Variants in CFAP300 observed in about 807,000 individuals in gnomAD.
The protein encoded by CFAP300 is cilia and flagella associated protein 300.
Under a neutral mutation model 33.0 loss-of-function variants are expected in CFAP300, and 32 were observed. The ratio of observed to expected loss-of-function variants is 0.97; its 90% CI spans 0.73 to 1.30. The LOEUF is 1.30. Among genes scored for constraint, CFAP300 ranks in the 50% most tolerant of loss-of-function variants. The pLI, the probability that CFAP300 is intolerant of heterozygous loss-of-function variation, is 0.00. For missense variants in CFAP300, 356 were observed against 318.1 expected, an observed-to-expected ratio of 1.12 and a Z score of -0.90; for synonymous variants, 102 against 106.8, an observed-to-expected ratio of 0.95 and a Z score of 0.28.
At position 102,083,951 on chromosome 11, in the gene CFAP300, G is replaced by C. The variant is rs2135056373; in HGVS notation, c.*752G>C. Reference sequence around the variant, plus strand: ...GAATCACTTGAACCCGGGAAGTGAGGTTGCAGTGAGCCGAGGCTGTGCCAC... The same window carrying C: ...GAATCACTTGAACCCGGGAAGTGAGCTTGCAGTGAGCCGAGGCTGTGCCAC... On this transcript the variant is annotated 3_prime_UTR_variant, in exon 7 of 7. Transcript: ENST00000434758. The C allele has an allele frequency of 6.6e-6, 1 of 152,296 alleles. No homozygotes were observed. The highest frequency in any genetic ancestry group is 1.9e-4 in the East Asian group (1 of 5,194). The allele number at this position is 152,296 out of a possible 1,614,324, so 9.4% of individuals were successfully genotyped here. A position where few individuals can be genotyped will look rare whatever the true frequency, so the allele number is the denominator to read the frequency against.
intron 2 of CFAP300, among the ~76,000 whole-genome samples, chr11:102,048,178 G>T (rs1013940409): frequency 2.0e-5 from 3 of 152,118 alleles, no homozygotes; most frequent in Non-Finnish European, 4.4e-5. Context: ...CTCTCTAGAA[G>T]ATTAGTTTCT....
At position 102,075,994 on chromosome 11, in the gene CFAP300, T is replaced by C. The variant is rs1942389956; in HGVS notation, c.557T>C (p.Val186Ala). The C allele has an allele frequency of 6.2e-7, 1 of 1,613,710 alleles. No homozygotes were observed. The highest frequency in any genetic ancestry group is 1.3e-5 in the African/African-American group (1 of 74,908). ...LGGALCQYED[V>A]ISPYLETTKL... Reference sequence around the variant, plus strand: ...GGAGCCCTTTGTCAATATGAGGATGTGATTAGCCCATATCTGGAAACAACA... The same window carrying C: ...GGAGCCCTTTGTCAATATGAGGATGCGATTAGCCCATATCTGGAAACAACA... Residue 186 changes from valine (V) to alanine (A), a missense_variant, in exon 5 of 7, where the codon GTG (valine) becomes GCG (alanine). Val to Ala is a moderately conservative substitution (Grantham distance 64, BLOSUM62 0). Transcript: ENST00000434758.
chr11:102,075,087 A>T (rs185137718), intron 4 of CFAP300, among the ~76,000 whole-genome samples: 41 of 152,338 alleles, frequency 2.7e-4, no homozygotes, highest in African/African-American at 9.4e-4. Context: ...CCTGAGCAAC[A>T]TAGTGAGACT....
intron 2 of CFAP300, among the ~76,000 whole-genome samples, chr11:102,056,012 C>CAA (rs971215642): frequency 2.0e-5 from 3 of 152,100 alleles, no homozygotes; most frequent in African/African-American, 4.8e-5. Context: ...GGTTTTTCCT[C>CAA]AAAATCAATA....
chr11:102,047,842 G>T lies in CFAP300; in HGVS notation c.138G>T (p.Gln46His), dbSNP rs766206887. 5 of 1,614,080 alleles carry T rather than the reference G, an allele frequency of 3.1e-6. No homozygotes were observed. The highest frequency in any genetic ancestry group is 4.2e-6 in the Non-Finnish European group (5 of 1,180,044). ...QWSMLGRIKA[Q>H]AFGFDQTFQS... ...CCATGCTGGGCAGAATCAAGGCGCA[G>T]GCGTTCGGCTTTGACCAGACCTTTC... is the stretch of plus-strand genomic sequence containing the variant. Residue 46 changes from glutamine to histidine, a missense_variant, in exon 2 of 7, where the codon CAG (glutamine) becomes CAT (histidine). Coordinates refer to ENST00000434758, the MANE Select transcript of CFAP300 (RefSeq NM_032930.3).
chr11:102,052,980 CA>C (rs1372549685), intron 2 of CFAP300, among the ~76,000 whole-genome samples: 1 of 152,234 alleles, frequency 6.6e-6, no homozygotes, highest in African/African-American at 2.4e-5. Flanking sequence ...GTAATCCCAG[CA>C]CTTTGGGAGC....
At chr11:102,057,339 CAAAAAAAAAA>C (rs68076980) in intron 2 of CFAP300, among the ~76,000 whole-genome samples, 1 of 129,962 alleles carries the variant, frequency 7.7e-6, no homozygotes, top group African/African-American at 2.8e-5. Flanking sequence ...AACTCCATCT[CAAAAAAAAAA>C]AAAAGAAAAA....
At chr11:102,061,213 A>G (rs980115348) in intron 3 of CFAP300, among the ~76,000 whole-genome samples, 1 of 152,248 alleles carries the variant, frequency 6.6e-6, no homozygotes, top group African/African-American at 2.4e-5. Flanking sequence ...ACACTATTTC[A>G]GAAGCAGAAG....
rs553855149 is a variant in CFAP300 at position 102,075,322 on chromosome 11, A to G, written c.436-551A>G. 3.3e-5 allele frequency among the ~76,000 whole-genome samples: 5 copies of G among 152,220 alleles called. No homozygotes were observed. In the East Asian group the frequency reaches 7.8e-4, roughly 24 times the overall value. On this transcript the variant is annotated intron_variant, in intron 4 of 6. Coordinates refer to ENST00000434758, the MANE Select transcript of CFAP300 (RefSeq NM_032930.3). ...CTCAGAAGAGCAAGAGTCAGTGTCA[A>G]TAGGTGATGTGTGAAGTGATCTTAC...
At chr11:102,068,647 TGTG>T (rs1021111898) in intron 4 of CFAP300, among the ~76,000 whole-genome samples, 1 of 151,904 alleles carries the variant, frequency 6.6e-6, no homozygotes, top group Non-Finnish European at 1.5e-5. Context: ...ATTAGCCAGG[TGTG>T]GTGGTGGGTG....
In CFAP300 at chr11:102,082,400, A is replaced by T. The variant is rs193012842; in HGVS notation, c.676-671A>T. On this transcript the variant is annotated intron_variant, in intron 6 of 6. Transcript: ENST00000434758. ...ACTCCAAAAAAAATTTAAAAAAAAA[A>T]AGAGAAAACAAAGATAGAAAATTGC... Among the ~76,000 whole-genome samples, 87 of 152,212 alleles carry T rather than the reference A, an allele frequency of 5.7e-4. 1 individual carries two copies. Among genetic ancestry groups the T allele is most frequent in the Middle Eastern group, 3.4e-3 (1 of 294 alleles).
chr11:102,079,832 T>A (rs1265707499), intron 5 of CFAP300, among the ~76,000 whole-genome samples: 1 of 152,090 alleles, frequency 6.6e-6, no homozygotes, highest in Non-Finnish European at 1.5e-5. Context: ...ATGACTGGAC[T>A]CTGAGTCACC....
intron 3 of CFAP300, among the ~76,000 whole-genome samples, chr11:102,060,387 G>A (rs1166322071): frequency 2.6e-5 from 4 of 151,866 alleles, no homozygotes; most frequent in African/African-American, 7.3e-5. Flanking sequence ...AAAGTGCTGG[G>A]ATTATGGGTG....
At chr11:102,064,277 G>A (rs545729969) in intron 3 of CFAP300, among the ~76,000 whole-genome samples, 23 of 152,238 alleles carry the variant, frequency 1.5e-4, no homozygotes, top group African/African-American at 5.1e-4. Context: ...TGGCATGCCC[G>A]ATGTCAGTCC....
intron 3 of CFAP300, among the ~76,000 whole-genome samples, chr11:102,062,417 G>A (rs1031626469): frequency 1.3e-5 from 2 of 152,152 alleles, no homozygotes; most frequent in East Asian, 3.9e-4. Context: ...GCATGTATAC[G>A]GACACTATGG....
intron 4 of CFAP300, among the ~76,000 whole-genome samples, chr11:102,069,003 C>T (rs1349525433): frequency 6.6e-6 from 1 of 152,192 alleles, no homozygotes; most frequent in Non-Finnish European, 1.5e-5. Flanking sequence ...AGATAATTCA[C>T]TGTCACTTCT....
intron 2 of CFAP300, among the ~76,000 whole-genome samples, chr11:102,048,332 C>G (rs1941918300): frequency 6.6e-6 from 1 of 152,118 alleles, no homozygotes. Flanking sequence ...ACCTCCCGGG[C>G]TCAAGCTTCC....
intron 2 of CFAP300, among the ~76,000 whole-genome samples, chr11:102,054,286 T>G (rs759213640): frequency 1.3e-5 from 2 of 152,248 alleles, no homozygotes; most frequent in Non-Finnish European, 1.5e-5. Flanking sequence ...TGCGCTTTTT[T>G]GTAGTATACA....
chr11:102,056,211 T>G (rs1942054561), intron 2 of CFAP300, among the ~76,000 whole-genome samples: 1 of 152,180 alleles, frequency 6.6e-6, no homozygotes. Flanking sequence ...ATTCAACTGT[T>G]TTTTTACTGA....
Sources: gnomAD v4.1 joint callset for allele counts (sites outside exome capture counted in the v4.1 genomes callset) on GRCh38, gnomAD v4.1.1 for gene constraint, MANE v1.5 for transcripts, NCBI Gene and HGNC (gene_info 2026-07-23, HGNC 2026-07-21) for gene names.